ITGB2: variants seen among roughly 807,000 people sequenced by gnomAD.
ITGB2 encodes integrin subunit beta 2.
ITGB2 carries 56 observed loss-of-function variants against 86.8 expected under a neutral mutation model. That is an observed-to-expected ratio of 0.65 (90% CI 0.52 to 0.81). The LOEUF is 0.81. ITGB2 is among the 30% of genes least tolerant of loss of function. The pLI is 0.00. For synonymous variants in ITGB2, 457 were observed against 450.4 expected (o/e 1.01, Z -0.19); for missense variants, 948 against 1,061.2 (o/e 0.89, Z 1.48).
chr21:44,917,732 C>T (rs978856159), intron 1 of ITGB2, among the ~76,000 whole-genome samples: 1 of 152,218 alleles, frequency 6.6e-6, no homozygotes, highest in East Asian at 1.9e-4. Context: ...TTCCCCAACA[C>T]CTACCCCAAG....
In ITGB2 at chr21:44,886,876, C is replaced by T. The variant is rs1045859276; in HGVS notation, c.2107G>A (p.Ala703Thr). 12 of 1,613,284 alleles carry T rather than the reference C, an allele frequency of 7.4e-6. No homozygotes were observed. The highest frequency in any genetic ancestry group is 1.6e-4 in the Middle Eastern group (1 of 6,084). ...CCTGCCACGGTGCCCCCGACGATGG[C>T]GGCGATGTTGGGGCCTGCCACACAC... ...RECVAGPNIA[A>T]IVGGTVAGIV... The change falls in exon 15 of 16, where the codon GCC (alanine) becomes ACC (threonine). Residue 703 changes from alanine to threonine, a missense_variant. Transcript: ENST00000652462.
chr21:44,889,082 G>T, intron 13 of ITGB2, 187 bp from the exon 14 acceptor site: 1 of 698,542 alleles, frequency 1.4e-6, no homozygotes, highest in Non-Finnish European at 2.5e-6. Context: ...CCCAGGGCCC[G>T]CGGCAGGTGC....
chr21:44,889,207 C>G, intron 13 of ITGB2, 69 bp downstream of exon 13: 1 of 1,503,596 alleles, frequency 6.7e-7, no homozygotes, highest in Non-Finnish European at 9.2e-7. Context: ...CCCGAGTGAG[C>G]CCGGCTGCTG....
In ITGB2 at chr21:44,911,800, G is replaced by A. The variant is rs566269102; in HGVS notation, c.-3-1015C>T. Among the ~76,000 whole-genome samples the A allele has an allele frequency of 1.8e-4, 27 of 152,302 alleles. 1 individual carries two copies. The highest frequency in any genetic ancestry group is 3.3e-4 in the Admixed American group (5 of 15,306). On this transcript the variant is annotated intron_variant, in intron 1 of 15. Transcript: ENST00000652462. ...AGGCCTCAGCCTGGTGCTGGAGGCC[G>A]GCAGCACCTCCTAGCGGGCAGCAGG...
chr21:44,913,913 C>A (rs2146553133), intron 1 of ITGB2, among the ~76,000 whole-genome samples: 1 of 152,330 alleles, frequency 6.6e-6, no homozygotes, highest in South Asian at 2.1e-4. Flanking sequence ...CAAACAGGTG[C>A]CTGGCCACTG....
chr21:44,900,705 G>A (rs557168837), intron 6 of ITGB2, among the ~76,000 whole-genome samples: 13 of 152,326 alleles, frequency 8.5e-5, no homozygotes, highest in Admixed American at 6.5e-4. Context: ...GTGGAGGCAC[G>A]TGTGGAAAGG....
Position 44,890,142 on chromosome 21 carries a change from C to T in ITGB2, c.1493G>A (p.Arg498Gln), listed in dbSNP as rs369318947. 2.6e-5 allele frequency: 42 copies of T among 1,613,422 alleles called. No homozygotes were observed. The South Asian group carries it at 2.6e-4, about 10-fold the overall frequency. ...GCAGATGATGGAGTTGTTGTCCTTC[C>T]GGCAGCTTCCTTCCAGCTCCTGGCT... Reference protein sequence around the residue: ...RSSQELEGSCRKDNNSIICSG... With the variant: ...RSSQELEGSCQKDNNSIICSG... Residue 498 changes from arginine (R) to glutamine (Q), a missense_variant, in exon 12 of 16, where the codon CGG (arginine) becomes CAG (glutamine). Arg to Gln is a conservative substitution (Grantham distance 43). Transcript: ENST00000652462.
rs940347605 is a variant in ITGB2, at chr21:44,890,024, G to A, written c.1611C>T (p.Asp537=). 7.0e-5 allele frequency: 113 copies of A among 1,613,376 alleles called. No homozygotes were observed. Among genetic ancestry groups the A allele is most frequent in the Non-Finnish European group, 9.5e-5 (112 of 1,180,040 alleles). Residue 537 remains aspartate, a synonymous_variant, in exon 12 of 16, where the codon GAC becomes GAT. Transcript: ENST00000652462. ...KLIYGQYCEC[D]TINCERYNGQ... is the part of the protein sequence containing the mutation. ...CGTTGTAGCGCTCACAGTTGATGGT[G>A]TCACACTCGCAGTACTGCCCGTATA...
At chr21:44,894,037 A>G in intron 9 of ITGB2, 1 of 251,760 alleles carries the variant, frequency 4.0e-6, no homozygotes, top group South Asian at 4.6e-5. Context: ...AGAGACAAAG[A>G]CTGAGAGACA....
At position 44,886,376 on chromosome 21, in the gene ITGB2, C is replaced by G. The variant is rs372064061; in HGVS notation, c.2302G>C (p.Glu768Gln). 2.7e-5 allele frequency: 43 copies of G among 1,614,118 alleles called. 1 individual carries two copies. In the South Asian group the frequency reaches 4.3e-4, roughly 16 times the overall value. ...GTCTTCACCAAGTGCTCCTAACTCT[C>G]AGCAAACTTGGGGTTCATGACCGTC... ...TTTVMNPKFAES is the reference protein window; with the variant it reads ...TTTVMNPKFAQS The change falls in exon 16 of 16, where the codon GAG becomes CAG. Residue 768 changes from glutamate to glutamine, a missense_variant. Coordinates refer to ENST00000652462, the MANE Select transcript of ITGB2 (RefSeq NM_000211.5).
In ITGB2 at chr21:44,889,380, A is replaced by G. The variant is rs369780953; in HGVS notation, c.1773T>C (p.Ser591=). The change falls in exon 13 of 16, where the codon AGT becomes AGC. Residue 591 remains serine, a synonymous_variant. Coordinates refer to ENST00000652462, the MANE Select transcript of ITGB2 (RefSeq NM_000211.5). ...GCLNPRRVEC[S]GRGRCRCNVC... ...CGTTGCAGCGGCACCGGCCACGACC[A>G]CTACACTCAACACGCCGCGGGTTCA... 4 of 1,612,814 alleles carry G rather than the reference A, an allele frequency of 2.5e-6. No individual in the cohort carries two copies. The highest frequency in any genetic ancestry group is 1.7e-6 in the Non-Finnish European group (2 of 1,179,842).
intron 4 of ITGB2, among the ~76,000 whole-genome samples, chr21:44,904,122 C>T (rs1305380747): frequency 6.6e-6 from 1 of 152,136 alleles, no homozygotes; most frequent in Non-Finnish European, 1.5e-5. Flanking sequence ...GTCAGCTCTC[C>T]ATAAACACAC....
chr21:44,925,116 TA>T (rs910204823), upstream of ITGB2, among the ~76,000 whole-genome samples: 3 of 151,062 alleles, frequency 2.0e-5, no homozygotes, highest in Non-Finnish European at 4.4e-5. Context: ...TGCTGTTCTG[TA>T]TTCTTAAAAT....
At chr21:44,886,593 G>T in intron 15 of ITGB2, 143 bp downstream of exon 15, 2 of 1,416,892 alleles carry the variant, frequency 1.4e-6, no homozygotes, top group Non-Finnish European at 9.9e-7. Context: ...CTCACCCACA[G>T]CGGCGGACGC....
At chr21:44,889,000 G>T in intron 13 of ITGB2, 105 bp from the exon 14 acceptor site, 1 of 1,037,052 alleles carries the variant, frequency 9.6e-7, no homozygotes, top group Non-Finnish European at 1.4e-6. Context: ...GGTGGGGTTG[G>T]GGCGCCCTCA....
chr21:44,904,747 A>G (rs1050276950), intron 4 of ITGB2, among the ~76,000 whole-genome samples: 2 of 151,826 alleles, frequency 1.3e-5, no homozygotes, highest in African/African-American at 4.8e-5. Flanking sequence ...TGCCACACAC[A>G]TGCATTCACA....
intron 8 of ITGB2, among the ~76,000 whole-genome samples, chr21:44,895,870 TG>T (rs1339149373): frequency 5.6e-4 from 70 of 125,388 alleles, no homozygotes; most frequent in Middle Eastern, 8.0e-3. Context: ...TGAAATGAAA[TG>T]AAATAAAAAA....
upstream of ITGB2, among the ~76,000 whole-genome samples, chr21:44,922,396 C>T (rs1402760192): frequency 6.6e-6 from 1 of 152,088 alleles, no homozygotes; most frequent in Non-Finnish European, 1.5e-5. Flanking sequence ...GGCATGGTGG[C>T]TCAAACTTGT....
chr21:44,916,857 A>G (rs1281882061), intron 1 of ITGB2, among the ~76,000 whole-genome samples: 1 of 151,022 alleles, frequency 6.6e-6, no homozygotes, highest in African/African-American at 2.5e-5. Context: ...AACAAGAGTG[A>G]AACTGTCTCA....
Sources: gnomAD v4.1 joint callset for allele counts (sites outside exome capture counted in the v4.1 genomes callset) on GRCh38, gnomAD v4.1.1 for gene constraint, MANE v1.5 for transcripts, NCBI Gene and HGNC (gene_info 2026-07-23, HGNC 2026-07-21) for gene names.